TANK: variants seen among roughly 807,000 people sequenced by gnomAD.
The protein encoded by TANK is TRAF family member-associated NF-kappa-B activator.
Under a neutral mutation model 43.6 loss-of-function variants are expected in TANK, and 15 were observed. The ratio of observed to expected loss-of-function variants is 0.34; its 90% CI spans 0.23 to 0.53. The LOEUF (loss-of-function observed/expected upper bound fraction) is 0.53, where lower values mean the gene tolerates loss of function less well. TANK is among the 20% of genes least tolerant of loss of function. TANK has a pLI of 0.94. For synonymous variants in TANK, 162 were observed against 178.2 expected, an observed-to-expected ratio of 0.91 and a Z score of 0.73; for missense variants, 417 against 498.6, an observed-to-expected ratio of 0.84 and a Z score of 1.56.
At chr2:161,208,409 T>C (rs1686740697) in intron 4 of TANK, among the ~76,000 whole-genome samples, 1 of 152,208 alleles carries the variant, frequency 6.6e-6, no homozygotes, top group South Asian at 2.1e-4. Context: ...AGTACTCTGC[T>C]TGAGACAGTA....
At chr2:161,215,398 CT>C (rs1687073978) in intron 4 of TANK, among the ~76,000 whole-genome samples, 3 of 152,230 alleles carry the variant, frequency 2.0e-5, no homozygotes, top group Admixed American at 1.3e-4. Context: ...AATCAATTGT[CT>C]TATATCTTCA....
chr2:161,192,761 G>A (rs1046514687), intron 2 of TANK, among the ~76,000 whole-genome samples: 11 of 152,138 alleles, frequency 7.2e-5, no homozygotes, highest in Non-Finnish European at 1.6e-4. Context: ...TATTCTACAG[G>A]TGTCACAGCC....
In TANK at chr2:161,180,212, A is replaced by G. The variant is rs76108902; in HGVS notation, c.99+451A>G. 962 of 649,642 alleles carry G rather than the reference A, an allele frequency of 1.5e-3. 10 individuals are homozygous for G. In the African/African-American group the frequency reaches 0.017, roughly 12 times the overall value. The allele number at this position is 649,642 out of a possible 1,614,324, so 40.2% of individuals were successfully genotyped here. On this transcript the variant is annotated intron_variant, in intron 2 of 7. Coordinates refer to ENST00000392749, the MANE Select transcript of TANK (RefSeq NM_001199135.3). ...TGGTATTAATTTATAATACTCTTCCATTCTTTATAACAATTCAAAGTAGAC... is the reference window on the plus strand; with the variant it reads ...TGGTATTAATTTATAATACTCTTCCGTTCTTTATAACAATTCAAAGTAGAC...
chr2:161,194,899 G>C (rs2161845), intron 2 of TANK, among the ~76,000 whole-genome samples: 1 of 151,930 alleles, frequency 6.6e-6, no homozygotes, highest in Non-Finnish European at 1.5e-5. Context: ...GTGTTGATGG[G>C]GTAAAGCAGT....
At chr2:161,180,036 A>G in intron 2 of TANK, 1 of 1,059,074 alleles carries the variant, frequency 9.4e-7, no homozygotes, top group Non-Finnish European at 1.2e-6. Context: ...TTAAAATATC[A>G]GTATTTATAA....
At position 161,160,613 on chromosome 2, in the gene TANK, G is replaced by A; in HGVS notation, c.-50+127G>A. The stretch of plus-strand genomic sequence containing the variant: ...CCGCAGGGAGAGAAGCCGAGGAGCA[G>A]CGGAGACAACCAATTTGCAGTTTGG... On this transcript the variant is annotated intron_variant, in intron 1 of 7. Transcript: ENST00000392749. 3 of 796,200 alleles carry A rather than the reference G, an allele frequency of 3.8e-6. 1 individual carries two copies. Among genetic ancestry groups the A allele is most frequent in the Non-Finnish European group, 1.8e-6 (1 of 547,520 alleles). The allele number at this position is 796,200 out of a possible 1,614,324, so 49.3% of individuals were successfully genotyped here. A position where few individuals can be genotyped will look rare whatever the true frequency, so the allele number is the denominator to read the frequency against.
chr2:161,216,151 G>C (rs989956462), intron 4 of TANK, among the ~76,000 whole-genome samples: 1 of 152,002 alleles, frequency 6.6e-6, no homozygotes, highest in African/African-American at 2.4e-5. Context: ...TTTACTCATT[G>C]TTATTTCTGC....
intron 1 of TANK, chr2:161,160,780 G>A (rs767031425): frequency 3.6e-6 from 2 of 560,034 alleles, no homozygotes; most frequent in South Asian, 3.1e-5. Context: ...CGTCCCGGCT[G>A]CTTTGCCCGG....
intron 1 of TANK, among the ~76,000 whole-genome samples, chr2:161,143,058 C>A (rs181868680): frequency 1.2e-3 from 176 of 152,078 alleles, no homozygotes; most frequent in African/African-American, 4.0e-3. Context: ...AACTGTATTC[C>A]TAGGTATTTT....
intron 2 of TANK, among the ~76,000 whole-genome samples, chr2:161,183,172 A>G (rs941280704): frequency 5.3e-5 from 8 of 152,148 alleles, no homozygotes; most frequent in African/African-American, 1.9e-4. Flanking sequence ...AACTCCCTCC[A>G]TTCTTCAGAA....
At chr2:161,179,532 A>G in intron 1 of TANK, 82 bp from the exon 2 acceptor site, 2 of 1,279,844 alleles carry the variant, frequency 1.6e-6, no homozygotes, top group African/African-American at 3.0e-5. Context: ...GGTAAACCTT[A>G]TAGAACTATC....
chr2:161,175,473 A>G (rs1171337008), intron 1 of TANK, among the ~76,000 whole-genome samples: 2 of 152,162 alleles, frequency 1.3e-5, no homozygotes, highest in Non-Finnish European at 2.9e-5. Context: ...AGATAGTACT[A>G]TATCTGAATC....
chr2:161,231,827 GTTCC>G (rs1400824360), intron 7 of TANK, among the ~76,000 whole-genome samples: 1 of 152,106 alleles, frequency 6.6e-6, no homozygotes, highest in East Asian at 1.9e-4. Flanking sequence ...CACTTTCTTA[GTTCC>G]TTATTCAAAG....
chr2:161,154,716 T>G (rs560424437), intron 1 of TANK, among the ~76,000 whole-genome samples: 1 of 152,302 alleles, frequency 6.6e-6, no homozygotes, highest in East Asian at 1.9e-4. Flanking sequence ...AATTTCTTTC[T>G]TCCTCTATTA....
upstream of TANK, among the ~76,000 whole-genome samples, chr2:161,159,849 C>G (rs1684327145): frequency 6.6e-6 from 1 of 152,168 alleles, no homozygotes; most frequent in Admixed American, 6.5e-5. Flanking sequence ...CCAGCCATTC[C>G]TCTTTAACAA....
At chr2:161,189,465 G>GA (rs765095250) in intron 2 of TANK, among the ~76,000 whole-genome samples, 12 of 152,132 alleles carry the variant, frequency 7.9e-5, no homozygotes, top group Non-Finnish European at 1.5e-4. Flanking sequence ...GTGAAAGACT[G>GA]AAAGCTTTTT....
chr2:161,201,707 G>A (rs1574029042), intron 2 of TANK, among the ~76,000 whole-genome samples: 2 of 152,104 alleles, frequency 1.3e-5, no homozygotes, highest in African/African-American at 4.8e-5. Flanking sequence ...TAAATCTAAG[G>A]TATTTAGAAT....
At chr2:161,139,546 G>A (rs1683681534) in intron 1 of TANK, among the ~76,000 whole-genome samples, 1 of 152,116 alleles carries the variant, frequency 6.6e-6, no homozygotes, top group Non-Finnish European at 1.5e-5. Flanking sequence ...ATATGAAAAT[G>A]ATTGCTTTGG....
chr2:161,180,206 T>C (rs746394605), intron 2 of TANK: 58 of 661,826 alleles, frequency 8.8e-5, no homozygotes, highest in Non-Finnish European at 1.1e-4. Context: ...TTTATAATAC[T>C]CTTCCATTCT....
Sources: gnomAD v4.1 joint callset for allele counts (sites outside exome capture counted in the v4.1 genomes callset) on GRCh38, gnomAD v4.1.1 for gene constraint, MANE v1.5 for transcripts, NCBI Gene and HGNC (gene_info 2026-07-23, HGNC 2026-07-21) for gene names.